Variants in ADGRB3 observed in about 807,000 individuals in gnomAD.
ADGRB3 encodes the protein adhesion G protein-coupled receptor B3.
Under a neutral mutation model 193.4 loss-of-function variants are expected in ADGRB3, and 37 were observed. The ratio of observed to expected loss-of-function variants is 0.19; its 90% CI spans 0.15 to 0.25. The LOEUF is 0.25. ADGRB3 is among the 10% of genes least tolerant of loss of function. The pLI is 1.00. For missense variants in ADGRB3, 1,637 were observed against 1,852.9 expected (o/e 0.88, Z 2.14); for synonymous variants, 690 against 644.2 (o/e 1.07, Z -1.08).
At chr6:69,320,544 T>C (rs1768426519) in intron 20 of ADGRB3, among the ~76,000 whole-genome samples, 1 of 151,516 alleles carries the variant, frequency 6.6e-6, no homozygotes, top group Non-Finnish European at 1.5e-5. Flanking sequence ...AACTTCAAAA[T>C]TTCTTCCAAT....
chr6:68,702,517 A>G (rs1765257788), intron 3 of ADGRB3, among the ~76,000 whole-genome samples: 2 of 152,174 alleles, frequency 1.3e-5, no homozygotes, highest in East Asian at 3.9e-4. Flanking sequence ...TCAATATATC[A>G]AATTATTTTT....
chr6:69,144,554 A>G (rs1774427541), intron 17 of ADGRB3, among the ~76,000 whole-genome samples: 1 of 152,120 alleles, frequency 6.6e-6, no homozygotes, highest in Admixed American at 6.5e-5. Context: ...TCTGTTTTAA[A>G]TGGGTTTTAT....
chr6:68,865,555 CCCTCAGCCAT>C (rs966142781), intron 3 of ADGRB3, among the ~76,000 whole-genome samples: 4 of 152,212 alleles, frequency 2.6e-5, no homozygotes, highest in African/African-American at 9.6e-5. Context: ...AAAACATTAG[CCCTCAGCCAT>C]CTTCAGCCCT....
At chr6:69,209,466 C>T (rs1187607796) in intron 17 of ADGRB3, among the ~76,000 whole-genome samples, 1 of 152,196 alleles carries the variant, frequency 6.6e-6, no homozygotes, top group Non-Finnish European at 1.5e-5. Flanking sequence ...CCTCTGGCAC[C>T]CAAATGTCTC....
chr6:68,829,571 A>C (rs1476198446), intron 3 of ADGRB3, among the ~76,000 whole-genome samples: 2 of 152,164 alleles, frequency 1.3e-5, no homozygotes, highest in Non-Finnish European at 2.9e-5. Context: ...ACATAAAACT[A>C]CTTAGATTCC....
chr6:69,230,860 G>C (rs1766119964), intron 17 of ADGRB3, among the ~76,000 whole-genome samples: 1 of 152,110 alleles, frequency 6.6e-6, no homozygotes, highest in Non-Finnish European at 1.5e-5. Flanking sequence ...TTTAAATTTG[G>C]TAAAGCACAT....
At chr6:69,322,590 C>T (rs1343484861) in intron 20 of ADGRB3, among the ~76,000 whole-genome samples, 1 of 151,896 alleles carries the variant, frequency 6.6e-6, no homozygotes, top group African/African-American at 2.4e-5. Flanking sequence ...TTTTGATCTG[C>T]ATTTCTCTTA....
chr6:69,339,061 G>A (rs1195721048), intron 25 of ADGRB3, 47 bp downstream of exon 25: 4 of 1,585,824 alleles, frequency 2.5e-6, no homozygotes, highest in African/African-American at 1.3e-5. Context: ...CTTTTACAGT[G>A]CATGTGAGAA....
chr6:69,234,924 C>A (rs1188495481), intron 18 of ADGRB3, 108 bp from the exon 19 acceptor site: 3 of 803,796 alleles, frequency 3.7e-6, no homozygotes, highest in Non-Finnish European at 6.0e-6. Context: ...GTAACTATAA[C>A]AACTATATAG....
chr6:69,211,707 T>C (rs1359125329), intron 17 of ADGRB3, among the ~76,000 whole-genome samples: 1 of 152,182 alleles, frequency 6.6e-6, no homozygotes, highest in African/African-American at 2.4e-5. Context: ...CAGAGACTTT[T>C]ACAGCTATAT....
At chr6:68,867,701 C>A (rs796326912) in intron 3 of ADGRB3, among the ~76,000 whole-genome samples, 2 of 152,364 alleles carry the variant, frequency 1.3e-5, no homozygotes, top group South Asian at 4.1e-4. Flanking sequence ...AGGGGTGGAG[C>A]TGCCCAAGGC....
chr6:68,925,064 A>C (rs1767143234), intron 3 of ADGRB3, among the ~76,000 whole-genome samples: 1 of 151,934 alleles, frequency 6.6e-6, no homozygotes, highest in African/African-American at 2.4e-5. Flanking sequence ...TATTCAGTTC[A>C]TGCTAACTGT....
At chr6:68,869,418 A>T (rs1172603724) in intron 3 of ADGRB3, among the ~76,000 whole-genome samples, 2 of 152,160 alleles carry the variant, frequency 1.3e-5, no homozygotes, top group South Asian at 2.1e-4. Flanking sequence ...TCAAATTTAG[A>T]GTGATAATTA....
chr6:68,788,698 C>T (rs1297603489), intron 3 of ADGRB3, among the ~76,000 whole-genome samples: 1 of 152,160 alleles, frequency 6.6e-6, no homozygotes, highest in Non-Finnish European at 1.5e-5. Flanking sequence ...AGTTCAATTC[C>T]TGGGTATCCT....
intron 3 of ADGRB3, among the ~76,000 whole-genome samples, chr6:68,721,962 T>A (rs1411264943): frequency 6.6e-6 from 1 of 151,638 alleles, no homozygotes; most frequent in Admixed American, 6.6e-5. Flanking sequence ...CATTAATCAT[T>A]TTTTCATTTG....
rs757072092 is a variant in ADGRB3 at position 69,361,397 on chromosome 6, A to G, written c.4124A>G (p.Asn1375Ser). 8.1e-6 allele frequency: 13 copies of G among 1,612,900 alleles called. No individual in the cohort carries two copies. The highest frequency in any genetic ancestry group is 1.1e-5 in the Non-Finnish European group (13 of 1,179,260). ...QHLAPQEHMQ[N>S]LPFEPRTAVK... ...CTCGCACCCCAGGAACATATGCAGA[A>G]TTTGCCCTTTGAACCTCGCACAGCT... The change falls in exon 29 of 32, where the codon AAT (asparagine) becomes AGT (serine). Residue 1375 changes from asparagine (N) to serine (S), a missense_variant. Around this residue, in one of 7 missense-constraint regions of ADGRB3, gnomAD observed 368 missense variants for 367.4 expected, o/e 1.00. Coordinates refer to ENST00000370598, the MANE Select transcript of ADGRB3 (RefSeq NM_001704.3).
At chr6:69,212,464 A>G (rs1241515462) in intron 17 of ADGRB3, among the ~76,000 whole-genome samples, 2 of 152,186 alleles carry the variant, frequency 1.3e-5, no homozygotes, top group Non-Finnish European at 2.9e-5. Flanking sequence ...ATTTTCAAAA[A>G]GATTTTAAGG....
At chr6:69,106,473 AT>A (rs1364124540) in intron 17 of ADGRB3, among the ~76,000 whole-genome samples, 18 of 152,162 alleles carry the variant, frequency 1.2e-4, no homozygotes, top group Non-Finnish European at 2.4e-4. Flanking sequence ...AAGAAAATGC[AT>A]TCGTGTACCC....
intron 3 of ADGRB3, among the ~76,000 whole-genome samples, chr6:68,857,827 A>G (rs937169852): frequency 6.6e-6 from 1 of 152,202 alleles, no homozygotes; most frequent in African/African-American, 2.4e-5. Flanking sequence ...CCCAAATCTC[A>G]TCTTGTAGCT....
Sources: allele counts gnomAD v4.1 joint callset (sites outside exome capture counted in the v4.1 genomes callset), GRCh38; gene constraint gnomAD v4.1.1; regional missense constraint gnomAD v4.1.1; transcripts MANE v1.5; gene names NCBI Gene and HGNC (gene_info 2026-07-23, HGNC 2026-07-21).